The following CYRIA variants were observed in gnomAD, a reference collection of about 807,000 sequenced individuals.
The protein encoded by CYRIA is CYFIP-related Rac1 interactor A.
A neutral mutation model predicts 43.9 loss-of-function variants in CYRIA; 15 were observed. That is an observed-to-expected ratio of 0.34 (90% CI 0.23 to 0.53). The LOEUF (loss-of-function observed/expected upper bound fraction) is 0.53. Ranked by LOEUF, CYRIA falls within the 20% of genes least tolerant of loss-of-function variation. The pLI, the probability that CYRIA is intolerant of heterozygous loss-of-function variation, is 0.94. For synonymous variants in CYRIA, 117 were observed against 136.0 expected (o/e 0.86, Z 0.97); for missense variants, 236 against 394.2 (o/e 0.60, Z 3.40).
At position 16,559,449 on chromosome 2, in the gene CYRIA, A is replaced by G. The variant is rs781283385; in HGVS notation, c.837+11T>C. The G allele has an allele frequency of 2.5e-5, 41 of 1,610,924 alleles. No individual in the cohort carries two copies. In the Admixed American group the frequency reaches 3.2e-4, roughly 12 times the overall value. ...CCTTATTTGGAAAGCACATTTCACA[A>G]CTATTCTTACATCGATCTTGGATGT... On this transcript the variant is annotated intron_variant, in intron 10 of 11. Coordinates refer to ENST00000381323, the MANE Select transcript of CYRIA (RefSeq NM_030797.4).
chr2:16,593,804 C>T (rs1210732713), intron 2 of CYRIA, among the ~76,000 whole-genome samples: 26 of 140,576 alleles, frequency 1.8e-4, no homozygotes, highest in Non-Finnish European at 2.7e-4. Flanking sequence ...TATACATGTG[C>T]CATGCTGGTG....
intron 1 of CYRIA, among the ~76,000 whole-genome samples, chr2:16,629,197 G>A (rs950396911): frequency 6.6e-6 from 1 of 152,180 alleles, no homozygotes; most frequent in Non-Finnish European, 1.5e-5. Context: ...CAGGGGACAG[G>A]CGCATCTCTA....
intron 1 of CYRIA, among the ~76,000 whole-genome samples, chr2:16,657,295 G>A (rs1670141522): frequency 6.6e-6 from 1 of 152,084 alleles, no homozygotes; most frequent in Non-Finnish European, 1.5e-5. Flanking sequence ...CCTCACATGG[G>A]CAAAATGATG....
chr2:16,558,804 G>C (rs930385623), intron 10 of CYRIA, among the ~76,000 whole-genome samples: 29 of 151,492 alleles, frequency 1.9e-4, no homozygotes, highest in African/African-American at 6.6e-4. Context: ...TCAAGAAATT[G>C]TCTGTGAGGG....
At position 16,587,903 on chromosome 2, in the gene CYRIA, G is replaced by A. The variant is rs1231323139; in HGVS notation, c.70+147C>T. The A allele has an allele frequency of 7.8e-6, 4 of 513,160 alleles. No homozygotes were observed. In the African/African-American group the frequency reaches 7.9e-5, roughly 10 times the overall value. 31.8% of individuals were successfully genotyped at this position (513,160 alleles called of 1,614,324 possible). A position where few individuals can be genotyped will look rare whatever the true frequency, so the allele number is the denominator to read the frequency against. The stretch of plus-strand genomic sequence containing the variant: ...TTATAAATTACTCAGTCTCATGTAT[G>A]TCTTTATTAGCAGCATGAGAACAGA... On this transcript the variant is annotated intron_variant, in intron 3 of 11. Transcript: ENST00000381323.
Position 16,555,964 on chromosome 2 carries a change from T to C in CYRIA, c.838-825A>G, listed in dbSNP as rs1054415851. 6.6e-5 allele frequency among the ~76,000 whole-genome samples: 10 copies of C among 152,268 alleles called. No individual in the cohort carries two copies. In the East Asian group the frequency reaches 1.9e-3, roughly 29 times the overall value. On this transcript the variant is annotated intron_variant, in intron 10 of 11. Transcript: ENST00000381323. ...AGTGTCTTAGCTTTTTGTGTCTGTA[T>C]AATATAGTTGACCCGTAATTTGGGA... is the stretch of plus-strand genomic sequence containing the variant.
intron 1 of CYRIA, among the ~76,000 whole-genome samples, chr2:16,646,632 T>G (rs925074904): frequency 2.6e-5 from 4 of 152,238 alleles, no homozygotes; most frequent in Non-Finnish European, 5.9e-5. Flanking sequence ...GTTAATTTTA[T>G]GTATCAACTT....
intron 2 of CYRIA, among the ~76,000 whole-genome samples, chr2:16,606,315 AC>A (rs1668395905): frequency 6.7e-6 from 1 of 150,278 alleles, no homozygotes; most frequent in East Asian, 2.0e-4. Context: ...CTCCCACCAA[AC>A]TCTCTCCATG....
rs141274493 is a variant in CYRIA at position 16,649,778 on chromosome 2, T to C, written c.-167+16002A>G. On this transcript the variant is annotated intron_variant, in intron 1 of 11. Coordinates refer to ENST00000381323, the MANE Select transcript of CYRIA (RefSeq NM_030797.4). ...TACAGTACAGGGCATGGTTATACAG[T>C]ACAGGGGACAGTTATACAGTACAGA... 5.8e-3 allele frequency among the ~76,000 whole-genome samples: 877 copies of C among 152,250 alleles called. 7 individuals carry two copies. Among genetic ancestry groups the C allele is most frequent in the African/African-American group, 0.02 (839 of 41,538 alleles).
chr2:16,660,090 C>G (rs1267896435), intron 1 of CYRIA, among the ~76,000 whole-genome samples: 1 of 152,172 alleles, frequency 6.6e-6, no homozygotes, highest in African/African-American at 2.4e-5. Flanking sequence ...CATCCCAGCT[C>G]TCTCTTGGCA....
chr2:16,563,928 T>C, intron 5 of CYRIA, 61 bp downstream of exon 5: 2 of 1,252,908 alleles, frequency 1.6e-6, no homozygotes, highest in South Asian at 2.6e-5. Flanking sequence ...TCCCACTACC[T>C]ACTCAAACAT....
intron 4 of CYRIA, 58 bp from the exon 5 acceptor site, chr2:16,564,152 A>G (rs1666845703): frequency 1.9e-5 from 25 of 1,328,556 alleles, no homozygotes; most frequent in Non-Finnish European, 2.7e-5. Flanking sequence ...CCACATCAAA[A>G]TGCCCTAAGA....
intron 1 of CYRIA, among the ~76,000 whole-genome samples, chr2:16,651,052 C>A (rs11889627): frequency 1.0e-3 from 155 of 152,282 alleles, no homozygotes; most frequent in African/African-American, 3.3e-3. Context: ...CACTTGCTGA[C>A]ATGTATGGAA....
At chr2:16,647,682 ACT>A (rs113190813) in intron 1 of CYRIA, among the ~76,000 whole-genome samples, 2,204 of 152,104 alleles carry the variant, frequency 0.014, 44 homozygotes, top group African/African-American at 0.049. Flanking sequence ...AGCAAAGCAC[ACT>A]CTCATCTTGG....
rs1023068047 is a variant in CYRIA at position 16,650,581 on chromosome 2, C to G, written c.-167+15199G>C. On this transcript the variant is annotated intron_variant, in intron 1 of 11. Transcript: ENST00000381323. The surrounding 1 kb of genome is among the most constrained non-coding windows in gnomAD (Gnocchi z 4.1). ...GGCTGGCAGCCCCAGCTCTCACACT[C>G]AGAGGCTCCACAAAGCAACCCTAAA... Among the ~76,000 whole-genome samples, 3 of 152,234 alleles carry G rather than the reference C, an allele frequency of 2.0e-5. No homozygotes were observed. The highest frequency in any genetic ancestry group is 2.9e-5 in the Non-Finnish European group (2 of 68,044).
intron 1 of CYRIA, among the ~76,000 whole-genome samples, chr2:16,651,814 T>A (rs986924420): frequency 2.0e-5 from 3 of 152,106 alleles, no homozygotes; most frequent in Non-Finnish European, 2.9e-5. Flanking sequence ...TTTTAAAAAC[T>A]TGTAATATGC....
In CYRIA at chr2:16,642,105, G is replaced by T. The variant is rs148325068; in HGVS notation, c.-166-18086C>A. On this transcript the variant is annotated intron_variant, in intron 1 of 11. Coordinates refer to ENST00000381323, the MANE Select transcript of CYRIA (RefSeq NM_030797.4). ...CTACTTTATCAGGACTCACTCCTTT[G>T]GTGATCTTGCCTTAGTTTCACACCT... 5.4e-3 allele frequency among the ~76,000 whole-genome samples: 827 copies of T among 152,042 alleles called. 7 individuals carry two copies. The highest frequency in any genetic ancestry group is 0.019 in the African/African-American group (776 of 41,466).
chr2:16,663,941 C>A (rs1670326956), intron 1 of CYRIA, among the ~76,000 whole-genome samples: 1 of 152,152 alleles, frequency 6.6e-6, no homozygotes, highest in South Asian at 2.1e-4. Context: ...CTTTTCCATT[C>A]ATTGAACCAA....
At chr2:16,559,227 C>T (rs57501143) in intron 10 of CYRIA, among the ~76,000 whole-genome samples, 5,163 of 152,198 alleles carry the variant, frequency 0.034, 266 homozygotes, top group African/African-American at 0.1. Context: ...CCATTAGAGA[C>T]TGAGGGGATC....
Sources: gnomAD v4.1 joint callset for allele counts (sites outside exome capture counted in the v4.1 genomes callset) on GRCh38, gnomAD v4.1.1 for gene constraint, Gnocchi (gnomAD v3.1) non-coding constraint, MANE v1.5 for transcripts, NCBI Gene and HGNC (gene_info 2026-07-23, HGNC 2026-07-21) for gene names.